Variants in ERICH3 observed in about 807,000 individuals in gnomAD.
ERICH3 encodes the protein glutamate-rich protein 3.
Under a neutral mutation model 131.1 loss-of-function variants are expected in ERICH3, and 126 were observed. The ratio of observed to expected loss-of-function variants is 0.96; its 90% confidence interval spans 0.83 to 1.11. ERICH3 has a LOEUF of 1.11. ERICH3 is among the 50% of genes most tolerant of loss of function. The pLI, the probability that ERICH3 is intolerant of heterozygous loss-of-function variation, is 0.00. For synonymous variants in ERICH3, 695 were observed against 644.6 expected, an observed-to-expected ratio of 1.08 and a Z score of -1.18; for missense variants, 2,050 against 1,810.7, an observed-to-expected ratio of 1.13 and a Z score of -2.40.
Position 74,572,920 on chromosome 1 carries a change from C to A in ERICH3, c.2790G>T (p.Glu930Asp). The A allele has an allele frequency of 1.2e-6, 2 of 1,614,098 alleles. No homozygotes were observed. Among genetic ancestry groups the A allele is most frequent in the South Asian group, 2.2e-5 (2 of 91,084 alleles). The change falls in exon 14 of 15, where the codon GAG (glutamate) becomes GAT (aspartate). Residue 930 changes from glutamate to aspartate, a missense_variant. Coordinates refer to ENST00000326665, the MANE Select transcript of ERICH3 (RefSeq NM_001002912.5). ...CAGCCACCCCACCCTCAGCCTCTCC[C>A]TCCTCCGATGTCGCTGCCTCTCTCA... is the stretch of plus-strand genomic sequence containing the variant. ...AALREAATSE[E>D]GEAEGGVAVS...
intron 12 of ERICH3, chr1:74,578,165 T>C (rs1647103699): frequency 6.6e-6 from 1 of 152,518 alleles, no homozygotes. Context: ...TTTATCTGTC[T>C]GTCAAAAAGA....
At chr1:74,622,352 C>A (rs1381719228) in intron 7 of ERICH3, 3 of 152,178 alleles carry the variant, frequency 2.0e-5, no homozygotes, top group Admixed American at 2.0e-4. Context: ...GCATCAAGAG[C>A]CATGAAAGTA....
intron 11 of ERICH3, among the ~76,000 whole-genome samples, chr1:74,596,809 A>T (rs576841317): frequency 7.2e-5 from 11 of 152,212 alleles, no homozygotes; most frequent in Non-Finnish European, 1.5e-4. Context: ...CTCACACATC[A>T]TTCCTAAACC....
intron 1 of ERICH3, among the ~76,000 whole-genome samples, chr1:74,650,304 C>G (rs17095705): frequency 0.016 from 2,414 of 152,138 alleles, 83 homozygotes; most frequent in African/African-American, 0.055. Context: ...ATATGCTATA[C>G]CTTAGTAAAT....
At chr1:74,596,222 T>C (rs903583867) in intron 11 of ERICH3, among the ~76,000 whole-genome samples, 2 of 152,068 alleles carry the variant, frequency 1.3e-5, no homozygotes, top group African/African-American at 4.8e-5. Context: ...CTTACTTTCT[T>C]TTTTTCATAT....
At position 74,571,290 on chromosome 1, in the gene ERICH3, A is replaced by T. The variant is rs757113401; in HGVS notation, c.4420T>A (p.Phe1474Ile). 3.1e-6 allele frequency: 5 copies of T among 1,613,726 alleles called. No individual in the cohort carries two copies. The highest frequency in any genetic ancestry group is 4.2e-6 in the Non-Finnish European group (5 of 1,179,930). ...GRQETGAAEK[F>I]RLGLSREGER... ...CCCTCCCGTGATAATCCTAATCGGA[A>T]TTTTTCAGCTGCTCCTGTCTCCTGC... is the stretch of plus-strand genomic sequence containing the variant. The change falls in exon 14 of 15, where the codon TTC (phenylalanine) becomes ATC (isoleucine). Residue 1474 changes from phenylalanine (F) to isoleucine (I), a missense_variant. Coordinates refer to ENST00000326665, the MANE Select transcript of ERICH3 (RefSeq NM_001002912.5).
At chr1:74,587,055 G>A (rs1201555831) in intron 12 of ERICH3, among the ~76,000 whole-genome samples, 3 of 152,124 alleles carry the variant, frequency 2.0e-5, no homozygotes, top group African/African-American at 7.2e-5. Context: ...GCTGGGCATG[G>A]TGGCTCATGC....
intron 14 of ERICH3, 142 bp downstream of exon 14, chr1:74,570,957 C>T (rs1332263867): frequency 1.7e-6 from 2 of 1,166,570 alleles, no homozygotes; most frequent in African/African-American, 3.1e-5. Flanking sequence ...TCCTGACAGG[C>T]TTAGGGCTAA....
intron 3 of ERICH3, among the ~76,000 whole-genome samples, chr1:74,645,595 A>G (rs1342086796): frequency 6.6e-6 from 1 of 151,992 alleles, no homozygotes; most frequent in Non-Finnish European, 1.5e-5. Context: ...CTAACAGAGA[A>G]CTCAGTGCCT....
chr1:74,652,717 C>A (rs1001831277), intron 1 of ERICH3, among the ~76,000 whole-genome samples: 2 of 152,130 alleles, frequency 1.3e-5, no homozygotes, highest in Admixed American at 6.6e-5. Context: ...GCACCCTTTT[C>A]ATCGATTCCG....
chr1:74,634,676 T>A (rs1374007629), intron 6 of ERICH3: 1 of 714,948 alleles, frequency 1.4e-6, no homozygotes, highest in Admixed American at 2.0e-5. Context: ...TTGGCAAGCA[T>A]GGAAAGCACC....
At chr1:74,620,649 G>A in intron 8 of ERICH3, 85 bp downstream of exon 8, 1 of 1,186,746 alleles carries the variant, frequency 8.4e-7, no homozygotes, top group Non-Finnish European at 1.2e-6. Context: ...TAAAGTGATT[G>A]AAGTCATTTT....
At chr1:74,581,356 T>C (rs1204473886) in intron 12 of ERICH3, among the ~76,000 whole-genome samples, 2 of 152,186 alleles carry the variant, frequency 1.3e-5, no homozygotes, top group African/African-American at 4.8e-5. Flanking sequence ...TATTTCTCCA[T>C]TGCGGTTTAT....
At chr1:74,636,484 A>G (rs768585776) in intron 5 of ERICH3, 46 bp from the exon 6 acceptor site, 10 of 1,548,120 alleles carry the variant, frequency 6.5e-6, no homozygotes, top group East Asian at 2.3e-5. Context: ...GTATCTTGAC[A>G]TGTTTCCAGA....
chr1:74,658,141 C>T (rs546480423), intron 1 of ERICH3, among the ~76,000 whole-genome samples: 45 of 152,240 alleles, frequency 3.0e-4, no homozygotes, highest in African/African-American at 1.1e-3. Flanking sequence ...TAGTTAAAAG[C>T]AGATCCAGGA....
intron 7 of ERICH3, among the ~76,000 whole-genome samples, chr1:74,627,432 T>C (rs12121526): frequency 0.42 from 62,998 of 151,754 alleles, 13,986 homozygotes; most frequent in Non-Finnish European, 0.5. Context: ...AGAAATGTCA[T>C]GGTAAGTTAA....
At chr1:74,660,429 TTAGAGGGC>T (rs1646629769) in intron 1 of ERICH3, among the ~76,000 whole-genome samples, 1 of 151,744 alleles carries the variant, frequency 6.6e-6, no homozygotes, top group East Asian at 1.9e-4. Context: ...CAAATATACT[TTAGAGGGC>T]TATGTTGGCT....
rs1243946049 is a variant in ERICH3, at chr1:74,573,254, G to A, written c.2456C>T (p.Pro819Leu). The A allele has an allele frequency of 5.6e-6, 9 of 1,600,220 alleles. No individual in the cohort carries two copies. The Admixed American group carries it at 1.6e-4, about 28-fold the overall frequency. The change falls in exon 14 of 15, where the codon CCA (proline) becomes CTA (leucine). Residue 819 changes from proline (P) to leucine (L), a missense_variant. Transcript: ENST00000326665. Reference sequence around the variant, plus strand: ...TTCTGTAAACTCTTCTGCCAATTCTGGCTGCTCTGCTGTTGGCTTCCACGC... The same window carrying A: ...TTCTGTAAACTCTTCTGCCAATTCTAGCTGCTCTGCTGTTGGCTTCCACGC... Reference protein sequence around the residue: ...LRAWKPTAEQPELAEEFTEKR... With the variant: ...LRAWKPTAEQLELAEEFTEKR...
intron 12 of ERICH3, among the ~76,000 whole-genome samples, chr1:74,583,078 G>A (rs958152350): frequency 6.6e-6 from 1 of 152,118 alleles, no homozygotes; most frequent in African/African-American, 2.4e-5. Context: ...CTGTCCTGTA[G>A]TTGCCAGTTC....
Sources: allele counts gnomAD v4.1 joint callset (sites outside exome capture counted in the v4.1 genomes callset), GRCh38; gene constraint gnomAD v4.1.1; transcripts MANE v1.5; gene names NCBI Gene and HGNC (gene_info 2026-07-23, HGNC 2026-07-21).